RSL1D1: variants seen among roughly 807,000 people sequenced by gnomAD.
The protein encoded by RSL1D1 is ribosomal L1 domain containing 1.
RSL1D1 carries 34 observed loss-of-function variants against 44.6 expected under a neutral mutation model. The observed-to-expected ratio is 0.76, with a 90% CI of 0.58 to 1.02. The LOEUF (loss-of-function observed/expected upper bound fraction) is 1.02, where lower values mean the gene tolerates loss of function less well. Among genes scored for constraint, RSL1D1 ranks in the 50% least tolerant of loss-of-function variants. RSL1D1 has a pLI of 0.00. For missense variants in RSL1D1, 767 were observed against 568.1 expected (o/e 1.35, Z -3.56); for synonymous variants, 271 against 207.4 (o/e 1.31, Z -2.63).
intron 5 of RSL1D1, 122 bp from the exon 6 acceptor site, chr16:11,842,122 G>C: frequency 1.3e-6 from 1 of 742,414 alleles, no homozygotes; most frequent in African/African-American, 1.8e-5. Context: ...TAAAAAGGTA[G>C]AAATATTAAT....
chr16:11,837,943 C>T lies in RSL1D1; in HGVS notation c.1317G>A (p.Val439=). 1.9e-6 allele frequency: 3 copies of T among 1,613,968 alleles called. No individual in the cohort carries two copies. The highest frequency in any genetic ancestry group is 1.3e-5 in the African/African-American group (1 of 74,986). The stretch of plus-strand genomic sequence containing the variant: ...TCCCCAGCGAAGGACTTTTTTCCTT[C>T]ACTGCCTCTTCTTTGATTTTTGGCT... ...EKKPKIKEEA[V]KEKSPSLGKK... Residue 439 remains valine, a synonymous_variant, in exon 9 of 9, where the codon GTG becomes GTA. Coordinates refer to ENST00000571133, the MANE Select transcript of RSL1D1 (RefSeq NM_015659.3).
chr16:11,846,862 A>G lies in RSL1D1; in HGVS notation c.385-19T>C, dbSNP rs759530065. On this transcript the variant is annotated intron_variant, in intron 3 of 8. Coordinates refer to ENST00000571133, the MANE Select transcript of RSL1D1 (RefSeq NM_015659.3). Reference sequence around the variant, plus strand: ...AGATAATCTAGGAAGTATAGAGAAGAATAAAAACAAGAAGTTAGGAATCTA... The same window carrying G: ...AGATAATCTAGGAAGTATAGAGAAGGATAAAAACAAGAAGTTAGGAATCTA... The G allele has an allele frequency of 8.3e-6, 13 of 1,569,774 alleles. No homozygotes were observed. The African/African-American group carries it at 9.6e-5, about 12-fold the overall frequency.
intron 5 of RSL1D1, among the ~76,000 whole-genome samples, chr16:11,843,181 T>TCG (rs2053774926): frequency 6.6e-6 from 1 of 150,382 alleles, no homozygotes; most frequent in Non-Finnish European, 1.5e-5. Context: ...GTGATCCGCC[T>TCG]GCCTCGGCCT....
At chr16:11,838,395 T>G (rs1414832832) in intron 8 of RSL1D1, among the ~76,000 whole-genome samples, 2 of 151,700 alleles carry the variant, frequency 1.3e-5, no homozygotes, top group Non-Finnish European at 2.9e-5. Context: ...ACTCCTGACC[T>G]CAGGTGATCC....
At chr16:11,846,983 A>C (rs1009083114) in intron 3 of RSL1D1, 140 bp from the exon 4 acceptor site, 3 of 721,766 alleles carry the variant, frequency 4.2e-6, no homozygotes, top group Non-Finnish European at 6.9e-6. Flanking sequence ...TTGAGGGCCT[A>C]AAATGTGCCA....
Position 11,838,792 on chromosome 16 carries a change from G to A in RSL1D1, c.1147-679C>T, listed in dbSNP as rs142730567. On this transcript the variant is annotated intron_variant, in intron 8 of 8. Coordinates refer to ENST00000571133, the MANE Select transcript of RSL1D1 (RefSeq NM_015659.3). Reference sequence around the variant, plus strand: ...GAATTGCTTGGGCACGAAAGGTGGAGGTTGCTGTGAGCCGAGATCATGCCA... The same window carrying A: ...GAATTGCTTGGGCACGAAAGGTGGAAGTTGCTGTGAGCCGAGATCATGCCA... Among the ~76,000 whole-genome samples, 438 of 149,558 alleles carry A rather than the reference G, an allele frequency of 2.9e-3. 5 individuals are homozygous for A. Among genetic ancestry groups the A allele is most frequent in the African/African-American group, 0.01 (418 of 40,258 alleles).
chr16:11,850,595 T>TTA (rs1567422439), intron 1 of RSL1D1, among the ~76,000 whole-genome samples, 177 bp from the exon 2 acceptor site: 1 of 152,170 alleles, frequency 6.6e-6, no homozygotes. Flanking sequence ...ATCCTGCAGT[T>TTA]TATATTCACA....
At chr16:11,851,164 C>CT in intron 1 of RSL1D1, 1 of 564,210 alleles carries the variant, frequency 1.8e-6, no homozygotes, top group Non-Finnish European at 3.2e-6. Context: ...GTCGCCAGGT[C>CT]TATCTCATCT....
chr16:11,843,560 GC>G (rs1001240025), intron 5 of RSL1D1, among the ~76,000 whole-genome samples: 19 of 151,480 alleles, frequency 1.3e-4, no homozygotes, highest in African/African-American at 4.6e-4. Flanking sequence ...CTACCCAGCC[GC>G]CATGTTCAAG....
At chr16:11,839,510 A>G (rs934620236) in intron 8 of RSL1D1, among the ~76,000 whole-genome samples, 185 bp downstream of exon 8, 17 of 147,478 alleles carry the variant, frequency 1.2e-4, no homozygotes, top group Non-Finnish European at 2.5e-4. Context: ...TCTGGGCAAT[A>G]TAGCAAGATC....
chr16:11,843,883 A>AAAAAAAAC, intron 5 of RSL1D1, among the ~76,000 whole-genome samples: 1 of 151,098 alleles, frequency 6.6e-6, no homozygotes, highest in South Asian at 2.1e-4. Context: ...AAAAAAAAAA[A>AAAAAAAAC]AAAAAAAAAA....
chr16:11,838,764 C>A (rs369155383), intron 8 of RSL1D1, among the ~76,000 whole-genome samples: 3 of 146,640 alleles, frequency 2.0e-5, no homozygotes, highest in South Asian at 2.1e-4. Context: ...GGCTGAGGCA[C>A]GAGAATTGCT....
At chr16:11,845,320 A>C (rs2053790109) in intron 5 of RSL1D1, among the ~76,000 whole-genome samples, 1 of 152,156 alleles carries the variant, frequency 6.6e-6, no homozygotes, top group African/African-American at 2.4e-5. Context: ...AGGTATGGTG[A>C]TGTGTGTCTG....
intron 1 of RSL1D1, among the ~76,000 whole-genome samples, chr16:11,850,782 G>A (rs929745152): frequency 5.9e-5 from 9 of 152,192 alleles, no homozygotes; most frequent in African/African-American, 2.2e-4. Context: ...CATTTACTGA[G>A]AACTCCTGGC....
chr16:11,840,057 AC>A, intron 7 of RSL1D1, 72 bp from the exon 8 acceptor site: 1 of 1,554,242 alleles, frequency 6.4e-7, no homozygotes, highest in Non-Finnish European at 8.6e-7. Context: ...TAGATGTACC[AC>A]GTGCAGTTTT....
Position 11,834,281 on chromosome 16 carries a change from C to A in RSL1D1, c.*3506G>T, listed in dbSNP as rs1311067482. The A allele has an allele frequency of 6.6e-6, 1 of 152,196 alleles. No homozygotes were observed. The highest frequency in any genetic ancestry group is 1.5e-5 in the Non-Finnish European group (1 of 68,040). 9.4% of individuals were successfully genotyped at this position (152,196 alleles called of 1,614,324 possible). On this transcript the variant is annotated 3_prime_UTR_variant, in exon 9 of 9. Coordinates refer to ENST00000571133, the MANE Select transcript of RSL1D1 (RefSeq NM_015659.3). ...ATCAGTACAAACCATATACATACCACCATTTTTCAGTACAGTACTCATTAC... is the reference window on the plus strand; with the variant it reads ...ATCAGTACAAACCATATACATACCAACATTTTTCAGTACAGTACTCATTAC...
chr16:11,850,028 T>C (rs959826221), intron 2 of RSL1D1, among the ~76,000 whole-genome samples: 2 of 152,150 alleles, frequency 1.3e-5, no homozygotes, highest in Non-Finnish European at 2.9e-5. Flanking sequence ...GGTTTTACCA[T>C]GTTGGCCAGG....
chr16:11,839,381 C>CAAAA (rs35893843), intron 8 of RSL1D1, among the ~76,000 whole-genome samples: 1 of 116,618 alleles, frequency 8.6e-6, no homozygotes. Flanking sequence ...AAAAGCAAAG[C>CAAAA]AAAAAAAAAA....
chr16:11,837,576 CGTT>C lies in RSL1D1; in HGVS notation c.*208_*210del. 5.9e-6 allele frequency: 3 copies of C among 505,798 alleles called. No individual in the cohort carries two copies. The highest frequency in any genetic ancestry group is 5.4e-4 in the Middle Eastern group (1 of 1,856). The allele number at this position is 505,798 out of a possible 1,614,324, so 31.3% of individuals were successfully genotyped here. On this transcript the variant is annotated 3_prime_UTR_variant, in exon 9 of 9. Coordinates refer to ENST00000571133, the MANE Select transcript of RSL1D1 (RefSeq NM_015659.3). ...ATGTTGGCCAGGATGGTCTCGATCT[CGTT>C]GACCTTGTGATCCGCCTGCCTCGGC...
Sources: gnomAD v4.1 joint callset for allele counts (sites outside exome capture counted in the v4.1 genomes callset) on GRCh38, gnomAD v4.1.1 for gene constraint, MANE v1.5 for transcripts, NCBI Gene and HGNC (gene_info 2026-07-23, HGNC 2026-07-21) for gene names.